The following CRYBA1 variants were observed in gnomAD, a reference collection of about 807,000 sequenced individuals.
CRYBA1 encodes the protein crystallin beta A1.
Under a neutral mutation model 36.2 loss-of-function variants are expected in CRYBA1, and 25 were observed. The observed-to-expected ratio is 0.69, with a 90% CI of 0.50 to 0.97. The LOEUF is 0.97. Among genes scored for constraint, CRYBA1 ranks in the 50% least tolerant of loss-of-function variants. The pLI is 0.00. For synonymous variants in CRYBA1, 111 were observed against 90.0 expected (o/e 1.23, Z -1.32); for missense variants, 224 against 276.3 (o/e 0.81, Z 1.34).
intron 5 of CRYBA1, 81 bp from the exon 6 acceptor site, chr17:29,254,121 T>G: frequency 6.8e-7 from 1 of 1,471,320 alleles, no homozygotes; most frequent in East Asian, 2.3e-5. Context: ...ACCATTGTGT[T>G]GAGTAAAGAG....
chr17:29,251,937 G>C, intron 3 of CRYBA1, 127 bp from the exon 4 acceptor site: 2 of 1,185,128 alleles, frequency 1.7e-6, no homozygotes, highest in East Asian at 4.7e-5. Flanking sequence ...AAATTACTTT[G>C]TACAGCTCTA....
rs757547144 is a variant in CRYBA1 at position 29,246,901 on chromosome 17, A to C, written c.31+7A>C. 100 of 1,610,258 alleles carry C rather than the reference A, an allele frequency of 6.2e-5. No individual in the cohort carries two copies. Among genetic ancestry groups the C allele is most frequent in the Non-Finnish European group, 8.3e-5 (98 of 1,178,770 alleles). On this transcript the variant is annotated splice_region_variant and intron_variant, in intron 1 of 5. Coordinates refer to ENST00000225387, the MANE Select transcript of CRYBA1 (RefSeq NM_005208.5). ...GCTGAGCAGCAGGAGCTGGGTGAGT[A>C]AGGCCCTCAGGGTGCCCTTGCCCTT...
intron 4 of CRYBA1, among the ~76,000 whole-genome samples, chr17:29,253,022 C>T (rs7208798): frequency 0.22 from 33,997 of 152,086 alleles, 4,241 homozygotes; most frequent in South Asian, 0.35. Context: ...AATGCACAGA[C>T]CCTAAGTGAA....
At chr17:29,254,025 TTAAC>T (rs2068952789) in intron 5 of CRYBA1, among the ~76,000 whole-genome samples, 173 bp from the exon 6 acceptor site, 1 of 152,224 alleles carries the variant, frequency 6.6e-6, no homozygotes, top group Non-Finnish European at 1.5e-5. Flanking sequence ...TTAAGGCTAA[TTAAC>T]TAGCTATAGC....
chr17:29,254,397 C>T lies in CRYBA1; in HGVS notation c.*48C>T. ...ATAATTCCTCAAGCATGAGACCTTGCTAAGCACTCTAGAATAAGTTTTATG... is the reference window on the plus strand; with the variant it reads ...ATAATTCCTCAAGCATGAGACCTTGTTAAGCACTCTAGAATAAGTTTTATG... On this transcript the variant is annotated 3_prime_UTR_variant, in exon 6 of 6. Transcript: ENST00000225387. The T allele has an allele frequency of 1.3e-6, 2 of 1,589,762 alleles. No individual in the cohort carries two copies. The highest frequency in any genetic ancestry group is 1.7e-5 in the Admixed American group (1 of 59,986).
chr17:29,252,654 T>G (rs140040836), intron 4 of CRYBA1, among the ~76,000 whole-genome samples: 13 of 152,286 alleles, frequency 8.5e-5, no homozygotes, highest in African/African-American at 2.9e-4. Context: ...GATAATAATC[T>G]TCTTGTTCTG....
rs1598426241 is a variant in CRYBA1, at chr17:29,254,409, G to A, written c.*60G>A. The A allele has an allele frequency of 6.4e-7, 1 of 1,564,636 alleles. No individual in the cohort carries two copies. The highest frequency in any genetic ancestry group is 8.8e-7 in the Non-Finnish European group (1 of 1,135,842). ...GCATGAGACCTTGCTAAGCACTCTAGAATAAGTTTTATGTTCTGCTCACAG... is the reference window on the plus strand; with the variant it reads ...GCATGAGACCTTGCTAAGCACTCTAAAATAAGTTTTATGTTCTGCTCACAG... On this transcript the variant is annotated 3_prime_UTR_variant, in exon 6 of 6. Coordinates refer to ENST00000225387, the MANE Select transcript of CRYBA1 (RefSeq NM_005208.5).
chr17:29,252,058 T>C lies in CRYBA1; in HGVS notation c.216-6T>C, dbSNP rs753718700. 6 of 1,614,200 alleles carry C rather than the reference T, an allele frequency of 3.7e-6. No homozygotes were observed. The highest frequency in any genetic ancestry group is 5.1e-6 in the Non-Finnish European group (6 of 1,180,026). On this transcript the variant is annotated splice_region_variant and splice_polypyrimidine_tract_variant and intron_variant, in intron 3 of 5. Transcript: ENST00000225387. ...ACCATGAACAAACACTACATGTCTTTGGCAGCTGGATTGGTTATGAGCATA... is the reference window on the plus strand; with the variant it reads ...ACCATGAACAAACACTACATGTCTTCGGCAGCTGGATTGGTTATGAGCATA...
Position 29,250,298 on chromosome 17 carries a change from C to A in CRYBA1, c.213C>A (p.Gly71=). The change falls in exon 3 of 6, where the codon GGC becomes GGA. Residue 71 remains glycine (G), a splice_region_variant and synonymous_variant. Coordinates refer to ENST00000225387, the MANE Select transcript of CRYBA1 (RefSeq NM_005208.5). ...DNVRSLKVES[G]AWIGYEHTSF... ...TCCGGTCCCTGAAGGTGGAAAGTGGCGCGTGAGTATGGACTTCCGCAGAAC... is the reference window on the plus strand; with the variant it reads ...TCCGGTCCCTGAAGGTGGAAAGTGGAGCGTGAGTATGGACTTCCGCAGAAC... The A allele has an allele frequency of 1.3e-6, 2 of 1,587,326 alleles. No homozygotes were observed. The highest frequency in any genetic ancestry group is 1.7e-6 in the Non-Finnish European group (2 of 1,155,536).
chr17:29,253,477 C>A (rs2068948363), intron 4 of CRYBA1, among the ~76,000 whole-genome samples, 163 bp from the exon 5 acceptor site: 1 of 152,142 alleles, frequency 6.6e-6, no homozygotes, highest in African/African-American at 2.4e-5. Context: ...TTGGAATAAA[C>A]AAAATTATGG....
chr17:29,252,109 C>G lies in CRYBA1; in HGVS notation c.261C>G (p.Ile87Met), dbSNP rs1269289327. 2 of 1,614,110 alleles carry G rather than the reference C, an allele frequency of 1.2e-6. No individual in the cohort carries two copies. Among genetic ancestry groups the G allele is most frequent in the African/African-American group, 2.7e-5 (2 of 75,022 alleles). ...EHTSFCGQQF[I>M]LERGEYPRWD... ...CCAGCTTCTGTGGGCAACAGTTTATCCTGGAGAGAGGAGAATACCCTCGCT... is the reference window on the plus strand; with the variant it reads ...CCAGCTTCTGTGGGCAACAGTTTATGCTGGAGAGAGGAGAATACCCTCGCT... Residue 87 changes from isoleucine to methionine, a missense_variant, in exon 4 of 6, where the codon ATC becomes ATG. Ile to Met is a conservative substitution (Grantham distance 10). Transcript: ENST00000225387.
At position 29,253,795 on chromosome 17, in the gene CRYBA1, A is replaced by G; in HGVS notation, c.500+13A>G. On this transcript the variant is annotated intron_variant, in intron 5 of 5. Transcript: ENST00000225387. ...TACAAAGTGGGGCGTAAGTACAAAA[A>G]CAGGGTTGGAATATACTTCAAAGTA... 1.2e-6 allele frequency: 2 copies of G among 1,614,142 alleles called. No individual in the cohort carries two copies. The highest frequency in any genetic ancestry group is 2.2e-5 in the South Asian group (2 of 91,066).
intron 1 of CRYBA1, among the ~76,000 whole-genome samples, chr17:29,248,176 G>A (rs2068912601): frequency 6.6e-6 from 1 of 151,876 alleles, no homozygotes; most frequent in African/African-American, 2.4e-5. Flanking sequence ...GACCGTGAAG[G>A]GTTACGAGGG....
Position 29,253,753 on chromosome 17 carries a change from A to G in CRYBA1, c.471A>G (p.Glu157=), listed in dbSNP as rs755489260. Residue 157 remains glutamate (E), a synonymous_variant, in exon 5 of 6, where the codon GAA becomes GAG. Coordinates refer to ENST00000225387, the MANE Select transcript of CRYBA1 (RefSeq NM_005208.5). ...SLQAMGWFNN[E]VGSMKIQSGA... ...AAGCCATGGGCTGGTTCAACAACGA[A>G]GTCGGCTCCATGAAGATACAAAGTG... 24 of 1,614,220 alleles carry G rather than the reference A, an allele frequency of 1.5e-5. No homozygotes were observed. The Admixed American group carries it at 2.3e-4, about 16-fold the overall frequency.
chr17:29,252,287 T>C (rs979049288), intron 4 of CRYBA1, 82 bp downstream of exon 4: 41 of 1,564,240 alleles, frequency 2.6e-5, no homozygotes, highest in African/African-American at 9.5e-5. Flanking sequence ...ATGCTATTTA[T>C]CATCAGTTAT....
chr17:29,250,161 C>A (rs763119092), intron 2 of CRYBA1, 21 bp from the exon 3 acceptor site: 1 of 1,310,346 alleles, frequency 7.6e-7, no homozygotes, highest in East Asian at 2.3e-5. Context: ...AGCTCTCTTG[C>A]GCCATTCAAT....
intron 1 of CRYBA1, among the ~76,000 whole-genome samples, chr17:29,248,526 G>C (rs934936653): frequency 6.6e-6 from 1 of 151,252 alleles, no homozygotes; most frequent in African/African-American, 2.4e-5. Flanking sequence ...CATCATACCC[G>C]GCTAATTTTT....
In CRYBA1 at chr17:29,249,223, C is replaced by A. The variant is rs752339842; in HGVS notation, c.96+17C>A. Reference sequence around the variant, plus strand: ...CCATGGAAGGTAAGCCCACCCCCATCACATCCAACAGGGCAGGGGTGACAT... The same window carrying A: ...CCATGGAAGGTAAGCCCACCCCCATAACATCCAACAGGGCAGGGGTGACAT... On this transcript the variant is annotated intron_variant, in intron 2 of 5. Transcript: ENST00000225387. The A allele has an allele frequency of 6.4e-7, 1 of 1,560,514 alleles. No homozygotes were observed. The highest frequency in any genetic ancestry group is 1.7e-5 in the Admixed American group (1 of 59,942).
rs937311185 is a variant in CRYBA1 at position 29,254,425 on chromosome 17, C to A, written c.*76C>A. 6.8e-7 allele frequency: 1 copy of A among 1,463,238 alleles called. No individual in the cohort carries two copies. Among genetic ancestry groups the A allele is most frequent in the Non-Finnish European group, 9.6e-7 (1 of 1,044,232 alleles). 90.6% of individuals were successfully genotyped at this position (1,463,238 alleles called of 1,614,324 possible). A position where few individuals can be genotyped will look rare whatever the true frequency, so the allele number is the denominator to read the frequency against. On this transcript the variant is annotated 3_prime_UTR_variant, in exon 6 of 6. Transcript: ENST00000225387. ...AGCACTCTAGAATAAGTTTTATGTTCTGCTCACAGACATTGCTTTCAAATG... is the reference window on the plus strand; with the variant it reads ...AGCACTCTAGAATAAGTTTTATGTTATGCTCACAGACATTGCTTTCAAATG...
Sources: gnomAD v4.1 joint callset for allele counts (sites outside exome capture counted in the v4.1 genomes callset) on GRCh38, gnomAD v4.1.1 for gene constraint, MANE v1.5 for transcripts, NCBI Gene and HGNC (gene_info 2026-07-23, HGNC 2026-07-21) for gene names.